Variants in DOCK8 observed in about 807,000 individuals in gnomAD.
DOCK8 encodes the protein dedicator of cytokinesis 8, also known as dedicator of cytokinesis protein 8.
In DOCK8, 141 loss-of-function variants were observed where a neutral mutation model predicts 245.6. The ratio of observed to expected loss-of-function variants is 0.57; its 90% CI spans 0.50 to 0.66. DOCK8 has a LOEUF of 0.66. Among genes scored for constraint, DOCK8 ranks in the 30% least tolerant of loss-of-function variants. The pLI is 0.00. For missense variants in DOCK8, 2,965 were observed against 2,603.4 expected (o/e 1.14, Z -3.02); for synonymous variants, 1,168 against 970.2 (o/e 1.20, Z -3.79).
chr9:373,786 T>C (rs2053400854), intron 18 of DOCK8, among the ~76,000 whole-genome samples: 1 of 152,232 alleles, frequency 6.6e-6, no homozygotes, highest in Non-Finnish European at 1.5e-5. Context: ...ATCAAAGCCA[T>C]CTAAGGGGCA....
At chr9:274,366 T>C (rs1043406410) in intron 2 of DOCK8, among the ~76,000 whole-genome samples, 1 of 152,204 alleles carries the variant, frequency 6.6e-6, no homozygotes, top group Non-Finnish European at 1.5e-5. Flanking sequence ...TTTACTTTTC[T>C]GAATCTCTTT....
At chr9:434,556 A>C (rs1430557485) in intron 38 of DOCK8, among the ~76,000 whole-genome samples, 1 of 152,174 alleles carries the variant, frequency 6.6e-6, no homozygotes, top group African/African-American at 2.4e-5. Context: ...TAAGGCTTTT[A>C]CTAAGTACTA....
At chr9:249,610 A>G (rs1260244782) in intron 1 of DOCK8, among the ~76,000 whole-genome samples, 1 of 151,806 alleles carries the variant, frequency 6.6e-6, no homozygotes, top group South Asian at 2.1e-4. Context: ...TTATTTTTTA[A>G]TTTTTTTAAT....
chr9:216,487 A>G (rs955044329), intron 1 of DOCK8, among the ~76,000 whole-genome samples: 7 of 141,964 alleles, frequency 4.9e-5, no homozygotes, highest in African/African-American at 1.6e-4. Flanking sequence ...TGATCATGCC[A>G]CTGCATTCCA....
chr9:333,402 C>A (rs371468693), intron 10 of DOCK8, among the ~76,000 whole-genome samples: 3 of 152,124 alleles, frequency 2.0e-5, no homozygotes, highest in Non-Finnish European at 4.4e-5. Flanking sequence ...AAGATTGAGA[C>A]CATCCTGGCC....
At chr9:250,066 T>G (rs1351410966) in intron 1 of DOCK8, among the ~76,000 whole-genome samples, 2 of 152,198 alleles carry the variant, frequency 1.3e-5, no homozygotes, top group African/African-American at 2.4e-5. Flanking sequence ...TCTGTAACAG[T>G]CTGAACTCCT....
chr9:441,153 C>G, intron 40 of DOCK8, 133 bp from the exon 41 acceptor site: 2 of 1,365,916 alleles, frequency 1.5e-6, no homozygotes, highest in South Asian at 1.2e-5. Flanking sequence ...GATACCCCTT[C>G]TTGCCCTGTG....
chr9:292,898 G>C (rs150159259), intron 4 of DOCK8, among the ~76,000 whole-genome samples: 1 of 152,096 alleles, frequency 6.6e-6, no homozygotes, highest in Non-Finnish European at 1.5e-5. Flanking sequence ...CCACTTGACT[G>C]TTGCTTCTGT....
At chr9:253,905 GAA>G (rs1322627102) in intron 1 of DOCK8, among the ~76,000 whole-genome samples, 4 of 152,194 alleles carry the variant, frequency 2.6e-5, no homozygotes, top group African/African-American at 9.7e-5. Context: ...TATGCATTGA[GAA>G]AAGAGAGTGA....
chr9:216,537 C>CAAAAAAAAAAAAAAAAAAAAAAAAAAA (rs59529982), intron 1 of DOCK8, among the ~76,000 whole-genome samples: 15 of 88,924 alleles, frequency 1.7e-4, no homozygotes, highest in Non-Finnish European at 2.3e-4. Flanking sequence ...AAAAAACAGA[C>CAAAAAAAAAAAAAAAAAAAAAAAAAAA]AAAAAAAAAA....
intron 2 of DOCK8, among the ~76,000 whole-genome samples, chr9:283,224 T>C (rs2048665743): frequency 6.6e-6 from 1 of 152,222 alleles, no homozygotes; most frequent in Non-Finnish European, 1.5e-5. Flanking sequence ...AGCCTCGCTT[T>C]CTTCATCTGT....
In DOCK8 at chr9:370,339, G is replaced by T. The variant is rs116558611; in HGVS notation, c.1868+39G>T. On this transcript the variant is annotated intron_variant, in intron 16 of 47. Transcript: ENST00000432829. ...AGCATTCTAAATATATGCCAAGATG[G>T]TTTCATCATCTCCTGGTTTTTCCAA... The T allele has an allele frequency of 3.3e-4, 520 of 1,571,488 alleles. No homozygotes were observed. The African/African-American group carries it at 6.4e-3, about 19-fold the overall frequency.
intron 26 of DOCK8, among the ~76,000 whole-genome samples, chr9:400,985 T>TCCACCACCA (rs2055043609): frequency 1.5e-4 from 11 of 75,832 alleles, no homozygotes; most frequent in Non-Finnish European, 2.6e-4. Flanking sequence ...CATCACCACC[T>TCCACCACCA]CCTCCACCAC....
intron 36 of DOCK8, among the ~76,000 whole-genome samples, chr9:431,681 G>C (rs747577539): frequency 2.6e-5 from 4 of 152,038 alleles, no homozygotes; most frequent in Non-Finnish European, 4.4e-5. Context: ...GCTAATTTTT[G>C]TATTTTTAGT....
At chr9:307,089 G>A (rs1043673594) in intron 5 of DOCK8, among the ~76,000 whole-genome samples, 1 of 152,144 alleles carries the variant, frequency 6.6e-6, no homozygotes, top group Non-Finnish European at 1.5e-5. Context: ...GCAAGAGGAA[G>A]GAGCCAGGCC....
At chr9:308,306 C>T (rs891306034) in intron 5 of DOCK8, among the ~76,000 whole-genome samples, 2 of 152,180 alleles carry the variant, frequency 1.3e-5, no homozygotes. Context: ...AGATATTACA[C>T]TGTATTCCAT....
At chr9:291,320 C>A (rs139882490) in intron 4 of DOCK8, among the ~76,000 whole-genome samples, 328 of 152,188 alleles carry the variant, frequency 2.2e-3, no homozygotes, top group African/African-American at 7.6e-3. Context: ...TTTTGGAATA[C>A]TCGTTGAAAT....
At chr9:227,587 T>G (rs1387061521) in intron 1 of DOCK8, among the ~76,000 whole-genome samples, 1 of 152,126 alleles carries the variant, frequency 6.6e-6, no homozygotes, top group Non-Finnish European at 1.5e-5. Context: ...CCACTGAGAT[T>G]TTTGAATTGT....
At chr9:335,111 G>C (rs1457730116) in intron 11 of DOCK8, among the ~76,000 whole-genome samples, 1 of 152,022 alleles carries the variant, frequency 6.6e-6, no homozygotes, top group African/African-American at 2.4e-5. Context: ...AAAAACTCAA[G>C]TTTCCCAGCA....
Sources: allele counts gnomAD v4.1 joint callset (sites outside exome capture counted in the v4.1 genomes callset), GRCh38; gene constraint gnomAD v4.1.1; transcripts MANE v1.5; gene names NCBI Gene and HGNC (gene_info 2026-07-23, HGNC 2026-07-21).